The following FAT2 variants were observed in gnomAD, a reference collection of about 807,000 sequenced individuals.
FAT2 encodes the protein protocadherin Fat 2.
A neutral mutation model predicts 295.3 loss-of-function variants in FAT2; 150 were observed. That is an observed-to-expected ratio of 0.51 (90% confidence interval 0.44 to 0.58). The LOEUF (loss-of-function observed/expected upper bound fraction) is 0.58. Ranked by LOEUF, FAT2 falls within the 20% of genes least tolerant of loss-of-function variation. The pLI is 0.00. For missense variants in FAT2, 4,868 were observed against 5,442.7 expected (o/e 0.89, Z 3.32); for synonymous variants, 2,026 against 2,150.3 (o/e 0.94, Z 1.60).
At chr5:151,590,689 G>GT (rs1055491177) in intron 1 of FAT2, among the ~76,000 whole-genome samples, 6 of 152,148 alleles carry the variant, frequency 3.9e-5, no homozygotes, top group African/African-American at 1.4e-4. Context: ...AGGTAGCTTT[G>GT]TCTGTGATAA....
chr5:151,547,011 T>G (rs984028156), intron 9 of FAT2, among the ~76,000 whole-genome samples: 1 of 152,234 alleles, frequency 6.6e-6, no homozygotes, highest in Non-Finnish European at 1.5e-5. Flanking sequence ...TATAATTTTT[T>G]CAATATCCAT....
At position 151,554,577 on chromosome 5, in the gene FAT2, G is replaced by A. The variant is rs2127631268; in HGVS notation, c.3730C>T (p.His1244Tyr). The A allele has an allele frequency of 6.2e-7, 1 of 1,614,170 alleles. No homozygotes were observed. The highest frequency in any genetic ancestry group is 8.5e-7 in the Non-Finnish European group (1 of 1,180,024). The change falls in exon 5 of 24, where the codon CAC becomes TAC. Residue 1244 changes from histidine (H) to tyrosine (Y), a missense_variant. Around this residue, in one of 5 missense-constraint regions of FAT2, gnomAD observed 3,297 missense variants for 3,669.4 expected, o/e 0.90. Transcript: ENST00000261800. The stretch of plus-strand genomic sequence containing the variant: ...GGAAGGCGGACATTGAAGAGCTTGT[G>A]GGAGAATATAGGTGGATTGTCATTG... Reference protein sequence around the residue: ...DVNDNPPIFSHKLFNVRLPER... With the variant: ...DVNDNPPIFSYKLFNVRLPER...
chr5:151,537,439 A>AGAGGGGAGGG (rs138227987), intron 12 of FAT2, among the ~76,000 whole-genome samples: 48 of 146,952 alleles, frequency 3.3e-4, no homozygotes, highest in African/African-American at 1.2e-3. Context: ...AGAGGAAAGG[A>AGAGGGGAGGG]GAGGGGAGGG....
In FAT2 at chr5:151,545,778, G is replaced by T; in HGVS notation, c.5349C>A (p.Asn1783Lys). ...LYSMIMDKNN[N>K]PFVIHASDSD... The stretch of plus-strand genomic sequence containing the variant: ...TGTCAGAGGCATGAATCACAAAGGG[G>T]TTGTTGTTTTTATCCATGATCATGC... Residue 1783 changes from asparagine to lysine, a missense_variant, in exon 10 of 24, where the codon AAC (asparagine) becomes AAA (lysine). Physicochemically the swap from Asn to Lys is moderately conservative, Grantham distance 94 (BLOSUM62 0). Around this residue, in one of 5 missense-constraint regions of FAT2, gnomAD observed 3,297 missense variants for 3,669.4 expected, o/e 0.90. Transcript: ENST00000261800. 6.2e-7 allele frequency: 1 copy of T among 1,614,164 alleles called. No homozygotes were observed.
chr5:151,576,006 A>C (rs1212029649), intron 1 of FAT2, among the ~76,000 whole-genome samples: 1 of 152,224 alleles, frequency 6.6e-6, no homozygotes, highest in Admixed American at 6.5e-5. Flanking sequence ...TCTAAAGAGC[A>C]CGGCATAGGA....
At chr5:151,509,765 A>G (rs1761173000) in intron 22 of FAT2, 15 of 415,244 alleles carry the variant, frequency 3.6e-5, no homozygotes, top group Admixed American at 7.2e-5. Context: ...AAAGTGTGCA[A>G]TAAATGTCAT....
intron 7 of FAT2, 57 bp downstream of exon 7, chr5:151,551,410 A>G: frequency 3.1e-6 from 5 of 1,587,522 alleles, no homozygotes; most frequent in Admixed American, 1.7e-5. Flanking sequence ...CCTCATCCCA[A>G]CCAAGAAGGC....
At chr5:151,533,145 A>G (rs1754836282) in intron 13 of FAT2, among the ~76,000 whole-genome samples, 1 of 152,134 alleles carries the variant, frequency 6.6e-6, no homozygotes, top group Admixed American at 6.5e-5. Flanking sequence ...GGAATGACAG[A>G]TGTCCCACTT....
At chr5:151,527,133 C>T in intron 17 of FAT2, 101 bp downstream of exon 17, 1 of 1,237,950 alleles carries the variant, frequency 8.1e-7, no homozygotes, top group Non-Finnish European at 1.1e-6. Flanking sequence ...GGCAAAGTCA[C>T]AGTCATTGTT....
intron 19 of FAT2, among the ~76,000 whole-genome samples, chr5:151,520,901 G>A (rs970369043): frequency 2.0e-5 from 3 of 152,204 alleles, no homozygotes; most frequent in Admixed American, 2.0e-4. Context: ...TAGTACTGAT[G>A]TAATTCCTAC....
At position 151,505,388 on chromosome 5, in the gene FAT2, T is replaced by C; in HGVS notation, c.*177A>G. On this transcript the variant is annotated 3_prime_UTR_variant, in exon 24 of 24. Transcript: ENST00000261800. ...TCTGGAGCTCTATCCTCAGCTTCCCTCCACCCTCAGGGACTAGGTGGGGGA... is the reference window on the plus strand; with the variant it reads ...TCTGGAGCTCTATCCTCAGCTTCCCCCCACCCTCAGGGACTAGGTGGGGGA... 4.1e-6 allele frequency: 3 copies of C among 733,968 alleles called. No homozygotes were observed. The highest frequency in any genetic ancestry group is 6.6e-6 in the Non-Finnish European group (3 of 452,614). The allele number at this position is 733,968 out of a possible 1,614,324, so 45.5% of individuals were successfully genotyped here.
intron 1 of FAT2, among the ~76,000 whole-genome samples, chr5:151,579,511 G>A: frequency 6.6e-6 from 1 of 152,142 alleles, no homozygotes; most frequent in South Asian, 2.1e-4. Flanking sequence ...GTTTGAGGCT[G>A]CAGTGAACAA....
chr5:151,593,786 G>A (rs1581488901), upstream of FAT2, among the ~76,000 whole-genome samples: 3 of 152,158 alleles, frequency 2.0e-5, no homozygotes, highest in African/African-American at 2.4e-5. Flanking sequence ...GGTGGATCAC[G>A]AGGTCAGGAG....
chr5:151,527,317 C>G lies in FAT2; in HGVS notation c.10225G>C (p.Asp3409His). 6.2e-7 allele frequency: 1 copy of G among 1,613,438 alleles called. No individual in the cohort carries two copies. The highest frequency in any genetic ancestry group is 8.5e-7 in the Non-Finnish European group (1 of 1,179,720). The change falls in exon 17 of 24, where the codon GAC becomes CAC. Residue 3409 changes from aspartate (D) to histidine (H), a missense_variant. By Grantham distance (81) the Asp-to-His change is moderately conservative. This residue lies in a region of FAT2 where 1,046 missense variants were observed against 1,210.1 expected (regional missense o/e 0.86). Transcript: ENST00000261800. ...TDSGQPPLHE[D>H]TDIAIQVADV... Reference sequence around the variant, plus strand: ...GCCACTTGGATAGCGATGTCTGTGTCCTCATGCAGTGGAGGCTGCCCACTG... The same window carrying G: ...GCCACTTGGATAGCGATGTCTGTGTGCTCATGCAGTGGAGGCTGCCCACTG...
chr5:151,551,454 C>A lies in FAT2; in HGVS notation c.4296+13G>T, dbSNP rs554998444. On this transcript the variant is annotated intron_variant, in intron 7 of 23. Coordinates refer to ENST00000261800, the MANE Select transcript of FAT2 (RefSeq NM_001447.3). ...TCCTCTCAATACAGGGGTCCCCAGC[C>A]GAGGCCTCTAACCTGTGTGGCAATG... The A allele has an allele frequency of 1.2e-6, 2 of 1,613,204 alleles. No individual in the cohort carries two copies. The highest frequency in any genetic ancestry group is 1.7e-6 in the Non-Finnish European group (2 of 1,179,722).
At chr5:151,551,441 A>G (rs918954360) in intron 7 of FAT2, 26 bp downstream of exon 7, 6 of 1,611,144 alleles carry the variant, frequency 3.7e-6, no homozygotes, top group Admixed American at 1.7e-5. Flanking sequence ...CTCTCAATAC[A>G]GGGGTCCCCA....
chr5:151,591,414 C>T (rs1417226785), upstream of FAT2, among the ~76,000 whole-genome samples: 9 of 152,090 alleles, frequency 5.9e-5, no homozygotes, highest in East Asian at 1.9e-4. Flanking sequence ...CTCTGTCTCA[C>T]GGAGAGGGAG....
At chr5:151,546,976 ACTCTAGGCATTCTCACATCACCTT>A (rs1756701036) in intron 9 of FAT2, among the ~76,000 whole-genome samples, 1 of 151,924 alleles carries the variant, frequency 6.6e-6, no homozygotes, top group African/African-American at 2.4e-5. Flanking sequence ...TATTTCCTAA[ACTCTAGGCATTCTCACATCACCTT>A]TATAATTTTT....
chr5:151,526,539 A>G (rs2127585551), intron 17 of FAT2, among the ~76,000 whole-genome samples: 1 of 152,338 alleles, frequency 6.6e-6, no homozygotes, highest in Non-Finnish European at 1.5e-5. Context: ...AGCATCACAA[A>G]CAGAATCTAA....
Sources: allele counts gnomAD v4.1 joint callset (sites outside exome capture counted in the v4.1 genomes callset), GRCh38; gene constraint gnomAD v4.1.1; regional missense constraint gnomAD v4.1.1; transcripts MANE v1.5; gene names NCBI Gene and HGNC (gene_info 2026-07-23, HGNC 2026-07-21).